Variants in SLC36A1 observed in about 807,000 individuals in gnomAD.
SLC36A1 encodes proton-coupled amino acid transporter 1.
In SLC36A1, 30 loss-of-function variants were observed where a neutral mutation model predicts 47.5. The ratio of observed to expected loss-of-function variants is 0.63; its 90% CI spans 0.47 to 0.86. The LOEUF (loss-of-function observed/expected upper bound fraction) is 0.86, where lower values mean the gene tolerates loss of function less well. Ranked by LOEUF, SLC36A1 falls within the 40% of genes least tolerant of loss-of-function variation. SLC36A1 has a pLI of 0.00. For missense variants in SLC36A1, 517 were observed against 606.0 expected (o/e 0.85, Z 1.54); for synonymous variants, 255 against 249.7 (o/e 1.02, Z -0.20).
the SLC36A1 span, among the ~76,000 whole-genome samples, chr5:151,348,393 T>C: frequency 2.0e-5 from 3 of 152,086 alleles, no homozygotes; most frequent in Non-Finnish European, 2.9e-5. Context: ...AGGCCAAAAT[T>C]TCCTCCTCCC....
chr5:151,467,193 C>T lies in SLC36A1; in HGVS notation c.420-6C>T, dbSNP rs770659906. 1.2e-6 allele frequency: 2 copies of T among 1,604,472 alleles called. No individual in the cohort carries two copies. Among genetic ancestry groups the T allele is most frequent in the South Asian group, 1.1e-5 (1 of 90,000 alleles). ...GTCTTTGTATTCCTTCCTTCCCCAC[C>T]TCCAGACGTGTTGTGGACTTCTTCC... On this transcript the variant is annotated splice_polypyrimidine_tract_variant and splice_region_variant and intron_variant, in intron 5 of 10. Coordinates refer to ENST00000243389, the MANE Select transcript of SLC36A1 (RefSeq NM_078483.4).
chr5:151,462,885 T>G (rs357612), intron 2 of SLC36A1, among the ~76,000 whole-genome samples: 82,338 of 149,798 alleles, frequency 0.55, 22,716 homozygotes, highest in South Asian at 0.68. Context: ...TGAGTCTTTT[T>G]TTTTTTTTGA....
chr5:151,494,801 C>T (rs533151103), downstream of SLC36A1, among the ~76,000 whole-genome samples: 3 of 152,252 alleles, frequency 2.0e-5, no homozygotes, highest in South Asian at 6.2e-4. Flanking sequence ...CCTCTTCTTT[C>T]TTCCTTTAAA....
At chr5:151,529,109 G>A in the SLC36A1 span, 2 of 1,310,732 alleles carry the variant, frequency 1.5e-6, no homozygotes, top group Non-Finnish European at 2.2e-6. Flanking sequence ...AGATGGCTGG[G>A]TGTGGGGGTG....
At chr5:151,537,971 G>A in the SLC36A1 span, 4 of 1,608,620 alleles carry the variant, frequency 2.5e-6, no homozygotes, top group Non-Finnish European at 3.4e-6. Context: ...ACAAAGAAGA[G>A]GGAGACTGTG....
the SLC36A1 span, among the ~76,000 whole-genome samples, chr5:151,370,886 G>T: frequency 1.3e-5 from 2 of 152,112 alleles, no homozygotes; most frequent in Non-Finnish European, 2.9e-5. Context: ...CCAACTACTT[G>T]GGAGGCTGAG....
chr5:151,356,932 C>T, the SLC36A1 span, among the ~76,000 whole-genome samples: 1 of 152,082 alleles, frequency 6.6e-6, no homozygotes, highest in African/African-American at 2.4e-5. Context: ...GGAATGAAGC[C>T]AGGTAGCTGA....
chr5:151,382,469 G>T, the SLC36A1 span: 4 of 558,440 alleles, frequency 7.2e-6, no homozygotes, highest in Non-Finnish European at 1.3e-5. Context: ...AGGAATCAAA[G>T]ATGGGGTTAA....
intron 10 of SLC36A1, among the ~76,000 whole-genome samples, chr5:151,485,695 G>T (rs1759420619): frequency 6.6e-6 from 1 of 152,108 alleles, no homozygotes; most frequent in Non-Finnish European, 1.5e-5. Context: ...TAGTAATATT[G>T]TGGAGTTACA....
chr5:151,434,869 G>A (rs557262925), upstream of SLC36A1, among the ~76,000 whole-genome samples: 8 of 152,284 alleles, frequency 5.3e-5, no homozygotes, highest in African/African-American at 1.7e-4. Flanking sequence ...TTCGGTCTCC[G>A]GAACTGTGAG....
chr5:151,372,176 CAG>C, the SLC36A1 span, among the ~76,000 whole-genome samples: 1 of 152,184 alleles, frequency 6.6e-6, no homozygotes. Flanking sequence ...GACTCTAGCA[CAG>C]AGTCTCTCAG....
At chr5:151,528,610 G>A in the SLC36A1 span, among the ~76,000 whole-genome samples, 2 of 152,146 alleles carry the variant, frequency 1.3e-5, no homozygotes, top group African/African-American at 4.8e-5. Flanking sequence ...AAGTGCAGAC[G>A]ATGTTTTGGG....
chr5:151,488,375 C>T lies in SLC36A1; in HGVS notation c.*121C>T. 7.8e-7 allele frequency: 1 copy of T among 1,290,194 alleles called. No homozygotes were observed. Among genetic ancestry groups the T allele is most frequent in the Admixed American group, 2.7e-5 (1 of 37,690 alleles). 79.9% of individuals were successfully genotyped at this position (1,290,194 alleles called of 1,614,324 possible). On this transcript the variant is annotated 3_prime_UTR_variant, in exon 11 of 11. Coordinates refer to ENST00000243389, the MANE Select transcript of SLC36A1 (RefSeq NM_078483.4). ...AGTCAGGGTTGCTGTGTGGGAACCC[C>T]TCTGCCTGGCACCTGGATACCCTGG... is the stretch of plus-strand genomic sequence containing the variant.
chr5:151,415,650 G>A, the SLC36A1 span, among the ~76,000 whole-genome samples: 4 of 152,158 alleles, frequency 2.6e-5, no homozygotes, highest in Non-Finnish European at 4.4e-5. Context: ...CTCCATTGAG[G>A]TAGAGATTGT....
chr5:151,420,984 C>A, the SLC36A1 span, among the ~76,000 whole-genome samples: 1 of 151,534 alleles, frequency 6.6e-6, no homozygotes, highest in Non-Finnish European at 1.5e-5. Context: ...CATTCTCCTG[C>A]CTCAGCCTCC....
chr5:151,509,961 A>C, the SLC36A1 span: 11 of 1,580,292 alleles, frequency 7.0e-6, no homozygotes, highest in Non-Finnish European at 9.5e-6. Context: ...TCTAGAGGTC[A>C]GAGTACAGAG....
At chr5:151,371,487 C>T in the SLC36A1 span, among the ~76,000 whole-genome samples, 11 of 152,294 alleles carry the variant, frequency 7.2e-5, no homozygotes, top group Middle Eastern at 3.4e-3. Flanking sequence ...CTAATGATAT[C>T]TCATTAGCTT....
At chr5:151,538,843 A>ATT in the SLC36A1 span, among the ~76,000 whole-genome samples, 1,518 of 143,876 alleles carry the variant, frequency 0.011, 15 homozygotes, top group African/African-American at 0.033. Context: ...CACCTGGCTA[A>ATT]TTTTTTTTTT....
At chr5:151,358,164 T>C in the SLC36A1 span, among the ~76,000 whole-genome samples, 1 of 152,208 alleles carries the variant, frequency 6.6e-6, no homozygotes, top group African/African-American at 2.4e-5. Context: ...TATACCCTTA[T>C]ATTTGGTTTT....
Sources: gnomAD v4.1 joint callset for allele counts (sites outside exome capture counted in the v4.1 genomes callset) on GRCh38, gnomAD v4.1.1 for gene constraint, MANE v1.5 for transcripts, NCBI Gene and HGNC (gene_info 2026-07-23, HGNC 2026-07-21) for gene names.